SLC22A5: variants seen among roughly 807,000 people sequenced by gnomAD.
The protein encoded by SLC22A5 is organic cation/carnitine transporter 2.
Under a neutral mutation model 56.7 loss-of-function variants are expected in SLC22A5, and 44 were observed. The observed-to-expected ratio is 0.78, with a 90% confidence interval of 0.61 to 1.00. The LOEUF (loss-of-function observed/expected upper bound fraction) is 1.00, where lower values mean the gene tolerates loss of function less well. SLC22A5 is among the 50% of genes least tolerant of loss of function. The pLI is 0.00. For synonymous variants in SLC22A5, 278 were observed against 292.1 expected (o/e 0.95, Z 0.49); for missense variants, 675 against 723.0 (o/e 0.93, Z 0.76).
At position 132,370,351 on chromosome 5, in the gene SLC22A5, A is replaced by G; in HGVS notation, c.379A>G (p.Thr127Ala). ...WEFSQDVYLS[T>A]IVTEWNLVCE... The stretch of plus-strand genomic sequence containing the variant: ...GTTCAGTCAGGACGTCTACCTGTCC[A>G]CCATTGTGACCGAGGTGGGTGCCGG... Residue 127 changes from threonine to alanine, a missense_variant, in exon 1 of 10, where the codon ACC (threonine) becomes GCC (alanine). Coordinates refer to ENST00000245407, the MANE Select transcript of SLC22A5 (RefSeq NM_003060.4). 6.2e-7 allele frequency: 1 copy of G among 1,612,200 alleles called. No individual in the cohort carries two copies. The highest frequency in any genetic ancestry group is 8.5e-7 in the Non-Finnish European group (1 of 1,179,740).
chr5:132,372,255 C>T (rs188064519), intron 1 of SLC22A5, among the ~76,000 whole-genome samples: 4 of 152,148 alleles, frequency 2.6e-5, no homozygotes, highest in Admixed American at 6.5e-5. Context: ...GTTACCTTCC[C>T]GGAAGCCAGT....
In SLC22A5 at chr5:132,389,004, C is replaced by G. The variant is rs780982778; in HGVS notation, c.1035C>G (p.Ile345Met). The G allele has an allele frequency of 2.5e-6, 4 of 1,611,770 alleles. No homozygotes were observed. In the Admixed American group the frequency reaches 6.7e-5, roughly 27 times the overall value. The change falls in exon 6 of 10, where the codon ATC (isoleucine) becomes ATG (methionine). Residue 345 changes from isoleucine to methionine, a missense_variant. By Grantham distance (10) the Ile-to-Met change is conservative. Coordinates refer to ENST00000245407, the MANE Select transcript of SLC22A5 (RefSeq NM_003060.4). ...LRTWNIRMVT[I>M]MSIMLWMTIS... Reference sequence around the variant, plus strand: ...CCTGGAATATCCGGATGGTCACCATCATGTCCATAATGCTGTGGTATGTAA... The same window carrying G: ...CCTGGAATATCCGGATGGTCACCATGATGTCCATAATGCTGTGGTATGTAA...
Sources: allele counts gnomAD v4.1 joint callset (sites outside exome capture counted in the v4.1 genomes callset), GRCh38; gene constraint gnomAD v4.1.1; transcripts MANE v1.5; gene names NCBI Gene and HGNC (gene_info 2026-07-23, HGNC 2026-07-21).